The following VPS13C variants were observed in gnomAD, a reference collection of about 807,000 sequenced individuals.
The protein encoded by VPS13C is vacuolar protein sorting 13 homolog C, also known as intermembrane lipid transfer protein VPS13C.
VPS13C carries 358 observed loss-of-function variants against 456.8 expected under a neutral mutation model. The observed-to-expected ratio is 0.78, with a 90% CI of 0.72 to 0.86. The LOEUF is 0.86. Among genes scored for constraint, VPS13C ranks in the 40% least tolerant of loss-of-function variants. The pLI is 0.00. For synonymous variants in VPS13C, 1,578 were observed against 1,486.7 expected (o/e 1.06, Z -1.41); for missense variants, 4,818 against 4,385.4 (o/e 1.10, Z -2.79).
At chr15:61,983,744 A>C in intron 20 of VPS13C, 76 bp downstream of exon 20, 1 of 1,431,058 alleles carries the variant, frequency 7.0e-7, no homozygotes. Context: ...TAAATATGAA[A>C]GAGGAGAAAT....
At chr15:62,031,166 G>A (rs954746772) in intron 5 of VPS13C, among the ~76,000 whole-genome samples, 1 of 151,964 alleles carries the variant, frequency 6.6e-6, no homozygotes, top group Non-Finnish European at 1.5e-5. Context: ...CTATACGATA[G>A]TGGGAAACAA....
At chr15:61,916,119 T>G (rs376878968) in intron 60 of VPS13C, 97 bp from the exon 61 acceptor site, 111 of 1,319,774 alleles carry the variant, frequency 8.4e-5, no homozygotes, top group Non-Finnish European at 1.1e-4. Flanking sequence ...ACCAGATGCA[T>G]GTAAACTGCT....
chr15:61,921,529 T>C (rs2043654359), intron 55 of VPS13C, among the ~76,000 whole-genome samples: 1 of 152,068 alleles, frequency 6.6e-6, no homozygotes, highest in Non-Finnish European at 1.5e-5. Context: ...TACCAATATG[T>C]ACTCTATTAA....
chr15:62,008,629 A>G, intron 14 of VPS13C, 26 bp downstream of exon 14: 1 of 1,544,488 alleles, frequency 6.5e-7, no homozygotes, highest in East Asian at 2.3e-5. Context: ...TGTTCCTCAC[A>G]AAACAAAAAA....
chr15:62,019,471 A>G (rs2029964823), intron 9 of VPS13C, among the ~76,000 whole-genome samples: 2 of 151,808 alleles, frequency 1.3e-5, no homozygotes, highest in Non-Finnish European at 2.9e-5. Context: ...TGTGTCCCAG[A>G]GATTCTGGTA....
intron 49 of VPS13C, among the ~76,000 whole-genome samples, chr15:61,931,781 C>A (rs1004983310): frequency 6.6e-6 from 1 of 151,804 alleles, no homozygotes; most frequent in Non-Finnish European, 1.5e-5. Context: ...GGGGTTTCAC[C>A]ATCTTGGCCA....
intron 15 of VPS13C, among the ~76,000 whole-genome samples, chr15:62,005,663 TC>T (rs1450193223): frequency 2.6e-5 from 4 of 152,064 alleles, no homozygotes; most frequent in Admixed American, 2.6e-4. Flanking sequence ...TACCGGTTGT[TC>T]CTTTCCATGT....
chr15:62,055,386 C>A (rs1177387610), intron 1 of VPS13C, among the ~76,000 whole-genome samples: 3 of 151,206 alleles, frequency 2.0e-5, no homozygotes, highest in Non-Finnish European at 4.4e-5. Context: ...TGCCCCCATG[C>A]CCGGCTAATT....
At chr15:61,875,026 T>G (rs1222939273) in intron 76 of VPS13C, 75 bp from the exon 77 acceptor site, 1 of 1,305,718 alleles carries the variant, frequency 7.7e-7, no homozygotes, top group East Asian at 2.7e-5. Flanking sequence ...TAGTTCAGGG[T>G]TTGCAAGAAG....
intron 79 of VPS13C, among the ~76,000 whole-genome samples, chr15:61,870,076 C>A (rs1596273420): frequency 6.6e-6 from 1 of 152,086 alleles, no homozygotes; most frequent in African/African-American, 2.4e-5. Context: ...AATTCATATA[C>A]CATAAAATTT....
intron 65 of VPS13C, among the ~76,000 whole-genome samples, chr15:61,908,397 C>T (rs956942970): frequency 2.6e-5 from 4 of 151,250 alleles, no homozygotes; most frequent in South Asian, 2.1e-4. Context: ...TAAAATTATA[C>T]GATACTTTAA....
chr15:61,922,006 C>T lies in VPS13C; in HGVS notation c.7003G>A (p.Val2335Ile). ...ACTCTCTCAATCAGTGGCTCCCAGA[C>T]AGCATGGATCTCATTGTAATAGTGC... ...QVHYYNEIHA[V>I]WEPLIERVEG... Residue 2335 changes from valine to isoleucine, a missense_variant, in exon 55 of 85, where the codon GTC becomes ATC. This residue lies in a region of VPS13C where 4,552 missense variants were observed against 4,130.6 expected (regional missense o/e 1.10). Coordinates refer to ENST00000644861, the MANE Select transcript of VPS13C (RefSeq NM_020821.3). The T allele has an allele frequency of 6.2e-7, 1 of 1,613,586 alleles. No homozygotes were observed. Among genetic ancestry groups the T allele is most frequent in the Non-Finnish European group, 8.5e-7 (1 of 1,179,640 alleles).
chr15:62,012,972 C>A, intron 11 of VPS13C, 67 bp downstream of exon 11: 1 of 1,108,972 alleles, frequency 9.0e-7, no homozygotes, highest in Non-Finnish European at 1.3e-6. Flanking sequence ...TCATGAAGGC[C>A]CTCTTATATT....
chr15:61,853,051 A>G lies in VPS13C; in HGVS notation c.*1406T>C, dbSNP rs183899795. ...CTAAAGGTTCAACCAAAAAACTTAC[A>G]TATTTTTGAGTATTTTTTAAAGTTT... is the stretch of plus-strand genomic sequence containing the variant. On this transcript the variant is annotated 3_prime_UTR_variant, in exon 85 of 85. Coordinates refer to ENST00000644861, the MANE Select transcript of VPS13C (RefSeq NM_020821.3). 22 of 152,278 alleles carry G rather than the reference A, an allele frequency of 1.4e-4. No individual in the cohort carries two copies. Among genetic ancestry groups the G allele is most frequent in the African/African-American group, 5.3e-4 (22 of 41,572 alleles). The allele number at this position is 152,278 out of a possible 1,614,324, so 9.4% of individuals were successfully genotyped here.
rs1204940224 is a variant in VPS13C at position 62,060,300 on chromosome 15, G to A, written c.75C>T (p.Ser25=). The part of the protein sequence containing the change: ...LGDYVENLNK[S]QLKLGIWGGN... The stretch of plus-strand genomic sequence containing the variant: ...CGCCCCAGATGCCCAGCTTCAGCTG[G>A]GACTTGTTCAGGTTCTCCACATAGT... Residue 25 remains serine, a synonymous_variant, in exon 1 of 85, where the codon TCC becomes TCT. Transcript: ENST00000644861. 6.2e-7 allele frequency: 1 copy of A among 1,606,912 alleles called. No individual in the cohort carries two copies. The highest frequency in any genetic ancestry group is 2.3e-5 in the East Asian group (1 of 44,260).
In VPS13C at chr15:61,874,866, T is replaced by A. The variant is rs1895298466; in HGVS notation, c.10414+10A>T. 2 of 1,572,238 alleles carry A rather than the reference T, an allele frequency of 1.3e-6. No homozygotes were observed. The highest frequency in any genetic ancestry group is 1.7e-6 in the Non-Finnish European group (2 of 1,163,586). ...AAATATACACATATACACAAATATG[T>A]GATACATACCTACTGTGTGTCCAAA... On this transcript the variant is annotated intron_variant, in intron 77 of 84. Coordinates refer to ENST00000644861, the MANE Select transcript of VPS13C (RefSeq NM_020821.3).
rs1458735820 is a variant in VPS13C, at chr15:61,959,552, A to AT, written c.3951_3952insA (p.Leu1318IlefsTer5). 6.2e-7 allele frequency: 1 copy of AT among 1,613,158 alleles called. No homozygotes were observed. The highest frequency in any genetic ancestry group is 1.3e-5 in the African/African-American group (1 of 74,900). On this transcript the variant is annotated frameshift_variant, in exon 36 of 85. Transcript: ENST00000644861. LOFTEE classifies it high-confidence loss of function. ...AGAAATTCCAAGTTAATTGGGTGCA[A>AT]CAGCTGAATATCAGGATGGTAGATG...
intron 67 of VPS13C, among the ~76,000 whole-genome samples, chr15:61,889,003 G>C (rs989266262): frequency 2.0e-5 from 3 of 152,016 alleles, no homozygotes; most frequent in Admixed American, 1.3e-4. Context: ...TTTTTCTCTA[G>C]ACATAAGGCT....
chr15:62,058,192 G>A (rs1015146524), intron 1 of VPS13C, among the ~76,000 whole-genome samples: 22 of 152,216 alleles, frequency 1.4e-4, no homozygotes, highest in Admixed American at 1.4e-3. Flanking sequence ...GGCCTATTCA[G>A]ATTTCAGATT....
Sources: allele counts gnomAD v4.1 joint callset (sites outside exome capture counted in the v4.1 genomes callset), GRCh38; gene constraint gnomAD v4.1.1; regional missense constraint gnomAD v4.1.1; transcripts MANE v1.5; gene names NCBI Gene and HGNC (gene_info 2026-07-23, HGNC 2026-07-21).